Variants in CHN2 observed in about 807,000 individuals in gnomAD.
CHN2 encodes the protein beta-chimaerin.
A neutral mutation model predicts 56.3 loss-of-function variants in CHN2; 35 were observed. That is an observed-to-expected ratio of 0.62 (90% confidence interval 0.47 to 0.82). CHN2 has a LOEUF of 0.82. CHN2 is among the 40% of genes least tolerant of loss of function. The pLI is 0.00. For synonymous variants in CHN2, 210 were observed against 212.8 expected (o/e 0.99, Z 0.12); for missense variants, 491 against 580.5 (o/e 0.85, Z 1.58).
At chr7:29,272,294 T>C (rs776185834) in intron 1 of CHN2, among the ~76,000 whole-genome samples, 2 of 152,150 alleles carry the variant, frequency 1.3e-5, no homozygotes, top group African/African-American at 4.8e-5. Context: ...TCTTCATTGA[T>C]TGATGGTCCA....
chr7:29,403,136 G>GT (rs1400152863), intron 6 of CHN2, among the ~76,000 whole-genome samples: 1 of 152,108 alleles, frequency 6.6e-6, no homozygotes, highest in East Asian at 1.9e-4. Context: ...TTTGTTAGTA[G>GT]TTTGTTAAGT....
At chr7:29,401,609 C>G (rs944513810) in intron 6 of CHN2, among the ~76,000 whole-genome samples, 1 of 152,154 alleles carries the variant, frequency 6.6e-6, no homozygotes, top group Non-Finnish European at 1.5e-5. Context: ...ACAGGTTTCA[C>G]TGACAGATAT....
chr7:29,257,028 T>G (rs1789133894), intron 1 of CHN2, among the ~76,000 whole-genome samples: 1 of 152,218 alleles, frequency 6.6e-6, no homozygotes, highest in Admixed American at 6.5e-5. Flanking sequence ...TTCAGAGCAT[T>G]TGGCAATTAA....
At chr7:29,225,578 T>C (rs1362978921) in intron 1 of CHN2, among the ~76,000 whole-genome samples, 1 of 152,216 alleles carries the variant, frequency 6.6e-6, no homozygotes, top group Admixed American at 6.5e-5. Flanking sequence ...CTGAGTTTGA[T>C]TGTATAGGAC....
At chr7:29,458,226 A>G (rs1265914161) in intron 6 of CHN2, among the ~76,000 whole-genome samples, 2 of 152,204 alleles carry the variant, frequency 1.3e-5, no homozygotes, top group Admixed American at 6.5e-5. Context: ...ATTGAAGCCT[A>G]GGTCCCTATT....
intron 2 of CHN2, among the ~76,000 whole-genome samples, chr7:29,361,630 G>T (rs2128032312): frequency 6.6e-6 from 1 of 152,264 alleles, no homozygotes; most frequent in East Asian, 1.9e-4. Context: ...GTTCTTTGTT[G>T]GTTGTGAGAT....
chr7:29,347,380 T>G (rs946572094), intron 1 of CHN2, among the ~76,000 whole-genome samples: 12 of 152,164 alleles, frequency 7.9e-5, no homozygotes, highest in African/African-American at 2.9e-4. Context: ...AAAGAATGCC[T>G]GAGACTGGGT....
chr7:29,355,322 T>G (rs957637436), intron 2 of CHN2, among the ~76,000 whole-genome samples: 30 of 152,182 alleles, frequency 2.0e-4, no homozygotes, highest in Admixed American at 9.2e-4. Flanking sequence ...ATGTGTTGAC[T>G]TCTATGAATT....
At chr7:29,265,302 ACT>A (rs1209793310) in intron 1 of CHN2, among the ~76,000 whole-genome samples, 1 of 151,946 alleles carries the variant, frequency 6.6e-6, no homozygotes, top group African/African-American at 2.4e-5. Flanking sequence ...TGGCTTCCTT[ACT>A]CTCTGATTAC....
At chr7:29,347,767 C>T (rs7789918) in intron 1 of CHN2, among the ~76,000 whole-genome samples, 35,825 of 152,084 alleles carry the variant, frequency 0.24, 4,724 homozygotes, top group Non-Finnish European at 0.3. Flanking sequence ...CATAAATGAA[C>T]TAAGTATATT....
chr7:29,209,582 G>GAGAAGAACCCTCA lies in CHN2; in HGVS notation c.49+14593_49+14594insGAAGAACCCTCAA, dbSNP rs1784768776. Among the ~76,000 whole-genome samples the GAGAAGAACCCTCA allele has an allele frequency of 2.0e-5, 3 of 152,184 alleles. No homozygotes were observed. In the South Asian group the frequency reaches 6.2e-4, roughly 32 times the overall value. On this transcript the variant is annotated intron_variant, in intron 1 of 12. Transcript: ENST00000222792. ...AGTCTTTAGCTCTAATGAGAAGTAG[G>GAGAAGAACCCTCA]ACAGTGAGGGTTGAAGGTTTTGATT...
chr7:29,177,990 C>T (rs1417800497), intron 2 of CHN2, among the ~76,000 whole-genome samples: 1 of 152,148 alleles, frequency 6.6e-6, no homozygotes, highest in Non-Finnish European at 1.5e-5. Flanking sequence ...AGTGGCACCA[C>T]CAGCCATTTA....
intron 1 of CHN2, among the ~76,000 whole-genome samples, chr7:29,222,551 A>G (rs997766883): frequency 6.6e-6 from 1 of 152,146 alleles, no homozygotes; most frequent in African/African-American, 2.4e-5. Context: ...AGTAAATCCA[A>G]TGAGAGATGT....
chr7:29,436,951 TAATA>T (rs1364470272), intron 6 of CHN2, among the ~76,000 whole-genome samples: 3 of 151,126 alleles, frequency 2.0e-5, no homozygotes, highest in Admixed American at 6.6e-5. Flanking sequence ...AAATTAATAA[TAATA>T]ATAATAATAA....
At chr7:29,282,853 G>C (rs906376871) in intron 1 of CHN2, among the ~76,000 whole-genome samples, 4 of 152,118 alleles carry the variant, frequency 2.6e-5, no homozygotes, top group African/African-American at 7.2e-5. Flanking sequence ...AAATCTTCCA[G>C]TGTAAAAAAT....
At chr7:29,186,305 G>A (rs1264119643) in intron 2 of CHN2, 1 of 152,162 alleles carries the variant, frequency 6.6e-6, no homozygotes, top group Non-Finnish European at 1.5e-5. Context: ...ACATAAGTAG[G>A]CCATGCGTGT....
intron 1 of CHN2, among the ~76,000 whole-genome samples, chr7:29,226,077 C>G (rs908533440): frequency 1.8e-4 from 28 of 152,056 alleles, no homozygotes; most frequent in African/African-American, 6.3e-4. Context: ...ATTAAATAAC[C>G]TTTCTTCTTA....
chr7:29,208,545 C>T (rs186208752), intron 1 of CHN2, among the ~76,000 whole-genome samples: 74 of 152,256 alleles, frequency 4.9e-4, no homozygotes, highest in African/African-American at 1.0e-3. Flanking sequence ...TTGTGCCTTG[C>T]GCTGGCCTCT....
At chr7:29,156,791 A>C (rs1794434286) in intron 2 of CHN2, among the ~76,000 whole-genome samples, 1 of 147,456 alleles carries the variant, frequency 6.8e-6, no homozygotes, top group Admixed American at 6.9e-5. Flanking sequence ...CTAAAGAAAA[A>C]GTCCAAGAAG....
Sources: allele counts gnomAD v4.1 joint callset (sites outside exome capture counted in the v4.1 genomes callset), GRCh38; gene constraint gnomAD v4.1.1; transcripts MANE v1.5; gene names NCBI Gene and HGNC (gene_info 2026-07-23, HGNC 2026-07-21).